The following SOX5 variants were observed in gnomAD, a reference collection of about 807,000 sequenced individuals.
The protein encoded by SOX5 is transcription factor SOX-5.
Under a neutral mutation model 92.0 loss-of-function variants are expected in SOX5, and 9 were observed. The ratio of observed to expected loss-of-function variants is 0.10; its 90% CI spans 0.06 to 0.17. The LOEUF is 0.17. Among genes scored for constraint, SOX5 ranks in the 10% least tolerant of loss-of-function variants. SOX5 has a pLI of 1.00. For missense variants in SOX5, 642 were observed against 944.5 expected, an observed-to-expected ratio of 0.68 and a Z score of 4.20; for synonymous variants, 344 against 336.3, an observed-to-expected ratio of 1.02 and a Z score of -0.25.
At chr12:24,096,169 C>T (rs1945389355) in intron 4 of SOX5, among the ~76,000 whole-genome samples, 1 of 152,070 alleles carries the variant, frequency 6.6e-6, no homozygotes, top group African/African-American at 2.4e-5. Flanking sequence ...GCAGAACATG[C>T]AGGTTTGTTA....
intron 1 of SOX5, among the ~76,000 whole-genome samples, chr12:24,387,454 CAA>C: frequency 6.6e-6 from 1 of 152,178 alleles, no homozygotes; most frequent in East Asian, 1.9e-4. Flanking sequence ...CCAGGGAAGC[CAA>C]AAGATTGGAT....
chr12:23,992,832 G>C (rs564971429), intron 4 of SOX5, among the ~76,000 whole-genome samples: 1 of 152,234 alleles, frequency 6.6e-6, no homozygotes, highest in Admixed American at 6.5e-5. Context: ...TGAAAATTTG[G>C]TGAGATGGCT....
In SOX5 at chr12:23,737,731, G is replaced by A. The variant is rs540066028; in HGVS notation, c.742-2979C>T. On this transcript the variant is annotated intron_variant, in intron 5 of 14. Transcript: ENST00000451604. ...CACACTGCATTCCTAACTGCCTCTT[G>A]TACACACCAAGGATGCTCCTGCCTC... Among the ~76,000 whole-genome samples the A allele has an allele frequency of 6.8e-5, 10 of 147,984 alleles. No individual in the cohort carries two copies. In the East Asian group the frequency reaches 1.7e-3, roughly 26 times the overall value.
intron 1 of SOX5, among the ~76,000 whole-genome samples, chr12:24,516,041 T>TC (rs1949749258): frequency 6.6e-6 from 1 of 150,840 alleles, no homozygotes; most frequent in African/African-American, 2.4e-5. Context: ...TTTTTTCTTT[T>TC]CCTTTTTTTT....
At chr12:24,077,772 CATATATATATATAT>C (rs35914700) in intron 4 of SOX5, among the ~76,000 whole-genome samples, 1,246 of 116,926 alleles carry the variant, frequency 0.011, 12 homozygotes, top group South Asian at 0.029. Flanking sequence ...AAGGTATTTT[CATATATATATATAT>C]ATATATATAT....
intron 2 of SOX5, among the ~76,000 whole-genome samples, chr12:24,305,020 C>T (rs1053404350): frequency 1.3e-5 from 2 of 152,164 alleles, no homozygotes; most frequent in African/African-American, 2.4e-5. Flanking sequence ...GAAGAAGATG[C>T]TGGAAGAATG....
At position 24,125,981 on chromosome 12, in the gene SOX5, A is replaced by G. The variant is rs532409230; in HGVS notation, c.-2+87362T>C. On this transcript the variant is annotated intron_variant, in intron 4 of 4. Transcript: ENST00000446891. ...GCATCTCAATGGCATTTCAATGGCC[A>G]TGGGCACTTCCTTTCCTACAGGATC... Among the ~76,000 whole-genome samples, 6 of 152,284 alleles carry G rather than the reference A, an allele frequency of 3.9e-5. No individual in the cohort carries two copies. The East Asian group carries it at 1.2e-3, about 29-fold the overall frequency.
At chr12:24,068,746 A>G (rs1300165128) in intron 4 of SOX5, among the ~76,000 whole-genome samples, 17 of 84,226 alleles carry the variant, frequency 2.0e-4, no homozygotes, top group Non-Finnish European at 4.3e-4. Context: ...ATATATATAT[A>G]TACACACACA....
chr12:24,522,591 T>G lies in SOX5; in HGVS notation c.-251+39738A>C, dbSNP rs80081461. Reference sequence around the variant, plus strand: ...AACATATTCTATGACCAAGTGGCATTTATCCCGGGGATGTAAGGATGATTC... The same window carrying G: ...AACATATTCTATGACCAAGTGGCATGTATCCCGGGGATGTAAGGATGATTC... On this transcript the variant is annotated intron_variant, in intron 1 of 4. Coordinates refer to the SOX5 transcript ENST00000446891. Among the ~76,000 whole-genome samples the G allele has an allele frequency of 2.0e-3, 297 of 152,242 alleles. 7 individuals are homozygous for G. The East Asian group carries it at 0.053, about 27-fold the overall frequency.
chr12:24,514,833 A>G (rs1394242058), intron 1 of SOX5, among the ~76,000 whole-genome samples: 1 of 152,188 alleles, frequency 6.6e-6, no homozygotes, highest in Admixed American at 6.5e-5. Context: ...GTTCTCACTC[A>G]TAAGTGGAAG....
rs574216281 is a variant in SOX5 at position 24,424,269 on chromosome 12, C to T, written c.-250-55630G>A. ...TTTTTAAAAGTAATACCTTCATTTG[C>T]ATAGTAATAACCCAATTATCGTAAG... On this transcript the variant is annotated intron_variant, in intron 1 of 4. Transcript: ENST00000446891. 5.9e-5 allele frequency among the ~76,000 whole-genome samples: 9 copies of T among 152,234 alleles called. No homozygotes were observed. In the South Asian group the frequency reaches 1.9e-3, roughly 32 times the overall value.
upstream of SOX5, chr12:24,562,640 TAAC>T (rs1954483087): frequency 6.7e-6 from 1 of 150,324 alleles, no homozygotes; most frequent in Non-Finnish European, 1.5e-5. Context: ...CGAGTGCAAA[TAAC>T]AAAAGGCAAA....
intron 2 of SOX5, among the ~76,000 whole-genome samples, chr12:23,870,859 A>T (rs1299023540): frequency 6.6e-6 from 1 of 152,072 alleles, no homozygotes; most frequent in Non-Finnish European, 1.5e-5. Flanking sequence ...ATTTACTATG[A>T]TGTAGTTTTT....
intron 4 of SOX5, among the ~76,000 whole-genome samples, chr12:24,030,009 G>A (rs934485346): frequency 2.6e-5 from 4 of 151,866 alleles, no homozygotes; most frequent in East Asian, 1.9e-4. Flanking sequence ...TATGAGGTAC[G>A]TGTTGTTTTC....
At chr12:23,764,699 T>A (rs957994316) in intron 3 of SOX5, among the ~76,000 whole-genome samples, 2 of 152,120 alleles carry the variant, frequency 1.3e-5, no homozygotes, top group African/African-American at 4.8e-5. Context: ...ATTTTGTTAT[T>A]GTTATTCAAA....
intron 2 of SOX5, among the ~76,000 whole-genome samples, chr12:23,855,249 C>T (rs2096674162): frequency 6.6e-6 from 1 of 151,526 alleles, no homozygotes; most frequent in Admixed American, 6.6e-5. Context: ...TTAATGTGGC[C>T]CATTTTTAAA....
At chr12:23,796,393 T>C (rs905393022) in intron 3 of SOX5, among the ~76,000 whole-genome samples, 2 of 152,112 alleles carry the variant, frequency 1.3e-5, no homozygotes, top group South Asian at 2.1e-4. Flanking sequence ...GAGAAGTACA[T>C]TTGAATGAGT....
chr12:23,624,087 G>A (rs1427077053), intron 8 of SOX5, among the ~76,000 whole-genome samples: 2 of 152,040 alleles, frequency 1.3e-5, no homozygotes, highest in Non-Finnish European at 2.9e-5. Context: ...AATCAGATAT[G>A]GAAGGCCAAA....
chr12:24,319,643 C>A (rs1950026062), intron 2 of SOX5, among the ~76,000 whole-genome samples: 1 of 152,200 alleles, frequency 6.6e-6, no homozygotes, highest in African/African-American at 2.4e-5. Flanking sequence ...AAATCCATCC[C>A]ACACATGGTT....
Sources: gnomAD v4.1 joint callset for allele counts (sites outside exome capture counted in the v4.1 genomes callset) on GRCh38, gnomAD v4.1.1 for gene constraint, MANE v1.5 for transcripts, NCBI Gene and HGNC (gene_info 2026-07-23, HGNC 2026-07-21) for gene names.